OSCP1: variants seen among roughly 807,000 people sequenced by gnomAD.
OSCP1 encodes the protein organic solute carrier partner 1, also known as protein OSCP1.
In OSCP1, 35 loss-of-function variants were observed where a neutral mutation model predicts 45.1. The ratio of observed to expected loss-of-function variants is 0.78; its 90% CI spans 0.59 to 1.03. The LOEUF (loss-of-function observed/expected upper bound fraction) is 1.03. OSCP1 is among the 50% of genes least tolerant of loss of function. The probability of loss-of-function intolerance (pLI) is 0.00; values close to 1 mark genes in which losing one functional copy is unlikely to be tolerated. For synonymous variants in OSCP1, 179 were observed against 180.1 expected, an observed-to-expected ratio of 0.99 and a Z score of 0.05; for missense variants, 400 against 470.7, an observed-to-expected ratio of 0.85 and a Z score of 1.39.
chr1:36,443,242 G>A (rs762412618), intron 1 of OSCP1, among the ~76,000 whole-genome samples: 20 of 152,198 alleles, frequency 1.3e-4, no homozygotes, highest in Non-Finnish European at 2.5e-4. Flanking sequence ...GGGATTACAG[G>A]TGTGAGCCAC....
intron 3 of OSCP1, among the ~76,000 whole-genome samples, chr1:36,432,195 T>C (rs1648410340): frequency 6.6e-6 from 1 of 152,132 alleles, no homozygotes; most frequent in Non-Finnish European, 1.5e-5. Flanking sequence ...ATGGCTATGC[T>C]CTGTATATTG....
chr1:36,438,185 C>T (rs191642639), intron 2 of OSCP1, among the ~76,000 whole-genome samples: 2 of 152,040 alleles, frequency 1.3e-5, no homozygotes, highest in East Asian at 1.9e-4. Context: ...GGCATGGTGG[C>T]GCATGCCTGT....
At chr1:36,421,934 C>T in intron 7 of OSCP1, 1 of 585,466 alleles carries the variant, frequency 1.7e-6, no homozygotes, top group Middle Eastern at 4.5e-4. Flanking sequence ...GGTGGCCGAG[C>T]CAAGCCTAAA....
intron 4 of OSCP1, among the ~76,000 whole-genome samples, chr1:36,427,069 C>T (rs1237058126): frequency 5.3e-5 from 8 of 150,452 alleles, no homozygotes; most frequent in East Asian, 3.9e-4. Flanking sequence ...GGCATGATCT[C>T]GGCTTACTGC....
chr1:36,438,694 A>C, intron 2 of OSCP1, 62 bp downstream of exon 2: 1 of 1,542,328 alleles, frequency 6.5e-7, no homozygotes, highest in Non-Finnish European at 8.7e-7. Flanking sequence ...ACCCCAGTCT[A>C]TGATCATCCA....
At chr1:36,441,205 G>A (rs1383518528) in intron 1 of OSCP1, among the ~76,000 whole-genome samples, 1 of 152,164 alleles carries the variant, frequency 6.6e-6, no homozygotes, top group African/African-American at 2.4e-5. Flanking sequence ...GGAAATGGCA[G>A]TTTAATGGTT....
chr1:36,446,651 G>A (rs1363058401), intron 1 of OSCP1, among the ~76,000 whole-genome samples: 1 of 152,128 alleles, frequency 6.6e-6, no homozygotes, highest in African/African-American at 2.4e-5. Flanking sequence ...GTTTTGAGTG[G>A]GGGCAGGCCC....
At chr1:36,418,553 G>A (rs190834649) in intron 9 of OSCP1, 45 of 439,314 alleles carry the variant, frequency 1.0e-4, no homozygotes, top group African/African-American at 8.5e-4. Context: ...GCACTTAACA[G>A]CTATATTGTA....
At chr1:36,429,911 C>T (rs1230055522) in intron 4 of OSCP1, among the ~76,000 whole-genome samples, 5 of 150,996 alleles carry the variant, frequency 3.3e-5, no homozygotes, top group Non-Finnish European at 5.9e-5. Flanking sequence ...CTCAGGTTCA[C>T]GCGATTCTCC....
chr1:36,447,956 C>A lies in OSCP1; in HGVS notation c.112+2302G>T. ...CCGAAACTCCCAAAACCATATTTAG[C>A]AAAAGCAGAAAAAAGGCTATAACTC... On this transcript the variant is annotated intron_variant, in intron 1 of 9. Coordinates refer to ENST00000235532, the MANE Select transcript of OSCP1 (RefSeq NM_145047.5). This position sits in a 1 kb window ranked among gnomAD's most constrained non-coding sequence, Gnocchi z 4.1. 4 of 438,916 alleles carry A rather than the reference C, an allele frequency of 9.1e-6. No individual in the cohort carries two copies. Among genetic ancestry groups the A allele is most frequent in the Admixed American group, 2.5e-5 (1 of 40,724 alleles). 27.2% of individuals were successfully genotyped at this position (438,916 alleles called of 1,614,324 possible).
At chr1:36,430,320 C>A (rs374976989) in intron 4 of OSCP1, among the ~76,000 whole-genome samples, 34 of 152,246 alleles carry the variant, frequency 2.2e-4, no homozygotes, top group Non-Finnish European at 4.3e-4. Context: ...GGATTACAGG[C>A]ATGAGCCACT....
intron 4 of OSCP1, among the ~76,000 whole-genome samples, chr1:36,428,697 C>T (rs1648144365): frequency 6.6e-6 from 1 of 152,190 alleles, no homozygotes; most frequent in Non-Finnish European, 1.5e-5. Context: ...GTAATCCCAG[C>T]ACTTTGGGAG....
intron 1 of OSCP1, among the ~76,000 whole-genome samples, chr1:36,439,338 T>C (rs912959037): frequency 6.6e-6 from 1 of 151,918 alleles, no homozygotes; most frequent in African/African-American, 2.4e-5. Context: ...CTGGGCAACA[T>C]AGTTAGACCC....
rs751627554 is a variant in OSCP1, at chr1:36,450,334, G to A, written c.36C>T (p.Asn12=). The A allele has an allele frequency of 6.2e-7, 1 of 1,614,000 alleles. No homozygotes were observed. The highest frequency in any genetic ancestry group is 1.1e-5 in the South Asian group (1 of 91,084). ...SVRTLPLLFL[N]LGGEMLYILD... is the part of the protein sequence containing the mutation. ...GGATGTAAAGCATCTCCCCGCCCAAGTTCAAGAAGAGCAGCGGTAGCGTCC... is the reference window on the plus strand; with the variant it reads ...GGATGTAAAGCATCTCCCCGCCCAAATTCAAGAAGAGCAGCGGTAGCGTCC... Residue 12 remains asparagine (N), a synonymous_variant, in exon 1 of 10, where the codon AAC becomes AAT. Coordinates refer to ENST00000235532, the MANE Select transcript of OSCP1 (RefSeq NM_145047.5).
chr1:36,419,915 C>T (rs897250513), intron 8 of OSCP1, among the ~76,000 whole-genome samples: 24 of 151,998 alleles, frequency 1.6e-4, no homozygotes, highest in African/African-American at 4.1e-4. Context: ...TGGGCTCAGA[C>T]GATCCTTCTG....
chr1:36,428,157 T>A (rs1419076120), intron 4 of OSCP1: 1 of 1,070,334 alleles, frequency 9.3e-7, no homozygotes, highest in Non-Finnish European at 1.2e-6. Flanking sequence ...GCCACTGCAC[T>A]CCAGCCTGGG....
At chr1:36,427,539 G>T (rs1041750586) in intron 4 of OSCP1, among the ~76,000 whole-genome samples, 25 of 151,244 alleles carry the variant, frequency 1.7e-4, no homozygotes, top group African/African-American at 5.1e-4. Context: ...GGATGGTCTC[G>T]ATCTCTTGAC....
chr1:36,422,723 T>C, intron 6 of OSCP1, 45 bp downstream of exon 6: 1 of 1,449,280 alleles, frequency 6.9e-7, no homozygotes, highest in East Asian at 2.4e-5. Flanking sequence ...TTAAATGAAG[T>C]GACCTCCCTT....
At chr1:36,448,971 C>T (rs542440764) in intron 1 of OSCP1, among the ~76,000 whole-genome samples, 1 of 152,276 alleles carries the variant, frequency 6.6e-6, no homozygotes, top group South Asian at 2.1e-4. Flanking sequence ...CGGCAATGTG[C>T]AGAATGAATG....
Sources: gnomAD v4.1 joint callset for allele counts (sites outside exome capture counted in the v4.1 genomes callset) on GRCh38, gnomAD v4.1.1 for gene constraint, Gnocchi (gnomAD v3.1) non-coding constraint, MANE v1.5 for transcripts, NCBI Gene and HGNC (gene_info 2026-07-23, HGNC 2026-07-21) for gene names.